The following CEP63 variants were observed in gnomAD, a reference collection of about 807,000 sequenced individuals.
CEP63 encodes the protein centrosomal protein of 63 kDa.
In CEP63, 84 loss-of-function variants were observed where a neutral mutation model predicts 89.1. The ratio of observed to expected loss-of-function variants is 0.94; its 90% CI spans 0.79 to 1.13. CEP63 has a LOEUF of 1.13. Ranked by LOEUF, CEP63 falls within the 50% of genes most tolerant of loss-of-function variation. The pLI is 0.00. For missense variants in CEP63, 838 were observed against 813.3 expected, an observed-to-expected ratio of 1.03 and a Z score of -0.37; for synonymous variants, 267 against 272.5, an observed-to-expected ratio of 0.98 and a Z score of 0.20.
downstream of CEP63, among the ~76,000 whole-genome samples, chr3:134,577,492 T>G (rs1486058691): frequency 8.0e-6 from 1 of 125,374 alleles, no homozygotes; most frequent in Non-Finnish European, 1.6e-5. Context: ...GCTGGTGCAA[T>G]CTTGGCTCAC....
At chr3:134,496,435 G>GC (rs1940017581) in intron 2 of CEP63, among the ~76,000 whole-genome samples, 1 of 149,358 alleles carries the variant, frequency 6.7e-6, no homozygotes, top group African/African-American at 2.5e-5. Flanking sequence ...AAAAAAAGGG[G>GC]GGGGGGGCTA....
chr3:134,684,288 C>T, the CEP63 span, among the ~76,000 whole-genome samples: 4 of 152,180 alleles, frequency 2.6e-5, no homozygotes, highest in Admixed American at 6.5e-5. Flanking sequence ...TCTATTTCAA[C>T]GTTCCTTCTT....
chr3:134,485,920 A>G (rs1479343666), upstream of CEP63: 17 of 948,148 alleles, frequency 1.8e-5, no homozygotes, highest in Non-Finnish European at 2.1e-5. Context: ...CGCGCCTCCA[A>G]AACCTAGGCC....
At chr3:134,548,800 A>C (rs1954169512) in intron 9 of CEP63, among the ~76,000 whole-genome samples, 1 of 152,194 alleles carries the variant, frequency 6.6e-6, no homozygotes, top group African/African-American at 2.4e-5. Context: ...TACTTGAGAT[A>C]GTCTTTGTTA....
intron 2 of CEP63, among the ~76,000 whole-genome samples, chr3:134,501,947 A>G (rs1023010155): frequency 4.6e-5 from 7 of 152,170 alleles, no homozygotes; most frequent in African/African-American, 1.4e-4. Flanking sequence ...CCTATTCAGT[A>G]TGATATTGGC....
At chr3:134,500,636 T>A (rs574824992) in intron 2 of CEP63, among the ~76,000 whole-genome samples, 1 of 152,324 alleles carries the variant, frequency 6.6e-6, no homozygotes, top group East Asian at 1.9e-4. Context: ...CCATTCTGAC[T>A]GGTATGAGGT....
chr3:134,517,220 A>G (rs748708262), intron 3 of CEP63, among the ~76,000 whole-genome samples: 4 of 152,126 alleles, frequency 2.6e-5, no homozygotes, highest in South Asian at 2.1e-4. Flanking sequence ...CCTGAAGTCC[A>G]TGTCTCAGCC....
chr3:134,718,719 T>C, the CEP63 span, among the ~76,000 whole-genome samples: 1 of 152,224 alleles, frequency 6.6e-6, no homozygotes, highest in African/African-American at 2.4e-5. Flanking sequence ...GGTTACCTTC[T>C]TCTAGACAAA....
chr3:134,776,151 G>A, the CEP63 span, among the ~76,000 whole-genome samples: 1 of 152,096 alleles, frequency 6.6e-6, no homozygotes, highest in Non-Finnish European at 1.5e-5. Flanking sequence ...ATCTCTATGG[G>A]GCCTTGACAT....
chr3:134,592,589 A>G (rs929414514), downstream of CEP63, among the ~76,000 whole-genome samples: 2 of 150,460 alleles, frequency 1.3e-5, no homozygotes, highest in Non-Finnish European at 2.9e-5. Context: ...GGTGGTGGTT[A>G]CAGATGGTAC....
At chr3:134,738,712 A>G in the CEP63 span, among the ~76,000 whole-genome samples, 1 of 152,182 alleles carries the variant, frequency 6.6e-6, no homozygotes, top group African/African-American at 2.4e-5. Context: ...ACAAATTACC[A>G]CTAAAGAACT....
chr3:134,578,338 T>G (rs79052851), downstream of CEP63, among the ~76,000 whole-genome samples: 6 of 137,854 alleles, frequency 4.4e-5, no homozygotes, highest in Non-Finnish European at 7.7e-5. Context: ...TTTTTTTTTT[T>G]TTTTTTTTTG....
the CEP63 span, among the ~76,000 whole-genome samples, chr3:134,691,125 T>A: frequency 6.6e-6 from 1 of 152,152 alleles, no homozygotes; most frequent in Non-Finnish European, 1.5e-5. Context: ...GAAGCTGAGG[T>A]GGGCAGATGG....
chr3:134,507,250 G>T lies in CEP63; in HGVS notation c.186G>T (p.Lys62Asn). The T allele has an allele frequency of 6.2e-7, 1 of 1,613,692 alleles. No individual in the cohort carries two copies. The highest frequency in any genetic ancestry group is 1.7e-4 in the Middle Eastern group (1 of 6,058). The part of the protein sequence containing the change: ...TCLKIREQEL[K>N]SLRSQLDVTH... ...TGAAAATCCGTGAACAGGAACTTAA[G>T]AGTCTTAGGAGTCAGTTGGATGTGA... is the stretch of plus-strand genomic sequence containing the variant. Residue 62 changes from lysine (K) to asparagine (N), a missense_variant, in exon 3 of 15, where the codon AAG becomes AAT. Lys to Asn is a moderately conservative substitution (Grantham distance 94). Coordinates refer to ENST00000675561, the MANE Select transcript of CEP63 (RefSeq NM_001353108.3).
At position 134,563,899 on chromosome 3, in the gene CEP63, A is replaced by C. The variant is rs1027257892; in HGVS notation, c.*2364A>C. The stretch of plus-strand genomic sequence containing the variant: ...TAACCTGTTCGGGTCTTTCATTTGC[A>C]GTTTACCCTGAATATTCCCTTTCTC... On this transcript the variant is annotated 3_prime_UTR_variant, in exon 15 of 15. Coordinates refer to ENST00000675561, the MANE Select transcript of CEP63 (RefSeq NM_001353108.3). 1 of 152,148 alleles carries C rather than the reference A, an allele frequency of 6.6e-6. No homozygotes were observed. The highest frequency in any genetic ancestry group is 2.4e-5 in the African/African-American group (1 of 41,386). The allele number at this position is 152,148 out of a possible 1,614,324, so 9.4% of individuals were successfully genotyped here. A position where few individuals can be genotyped will look rare whatever the true frequency, so the allele number is the denominator to read the frequency against.
the CEP63 span, chr3:134,603,608 T>A: frequency 6.3e-7 from 1 of 1,595,144 alleles, no homozygotes; most frequent in Non-Finnish European, 8.6e-7. Context: ...TATTTCAGGA[T>A]GTAGGAGTAG....
At chr3:134,552,255 G>A in intron 12 of CEP63, 1 of 296,166 alleles carries the variant, frequency 3.4e-6, no homozygotes, top group Non-Finnish European at 6.5e-6. Context: ...CCAGGCTGGA[G>A]TGCAATGGCG....
the CEP63 span, among the ~76,000 whole-genome samples, chr3:134,711,766 C>CTTTTT: frequency 5.0e-5 from 7 of 139,850 alleles, no homozygotes; most frequent in Admixed American, 1.4e-4. Context: ...CTTTTCTTTT[C>CTTTTT]TTTTTTTTTT....
chr3:134,583,240 A>T (rs987051865), intron 10 of CEP63, among the ~76,000 whole-genome samples: 1 of 152,220 alleles, frequency 6.6e-6, no homozygotes, highest in African/African-American at 2.4e-5. Context: ...TGTTTTAGAC[A>T]TGAGGCCTTT....
Sources: gnomAD v4.1 joint callset for allele counts (sites outside exome capture counted in the v4.1 genomes callset) on GRCh38, gnomAD v4.1.1 for gene constraint, MANE v1.5 for transcripts, NCBI Gene and HGNC (gene_info 2026-07-23, HGNC 2026-07-21) for gene names.